The following PTPRN2 variants were observed in gnomAD, a reference collection of about 807,000 sequenced individuals.
The protein encoded by PTPRN2 is receptor-type tyrosine-protein phosphatase N2.
Under a neutral mutation model 118.8 loss-of-function variants are expected in PTPRN2, and 74 were observed. That is an observed-to-expected ratio of 0.62 (90% confidence interval 0.52 to 0.76). The LOEUF (loss-of-function observed/expected upper bound fraction) is 0.76. PTPRN2 is among the 30% of genes least tolerant of loss of function. The pLI, the probability that PTPRN2 is intolerant of heterozygous loss-of-function variation, is 0.00. For missense variants in PTPRN2, 1,481 were observed against 1,394.4 expected (o/e 1.06, Z -0.99); for synonymous variants, 641 against 608.0 (o/e 1.05, Z -0.80).
In PTPRN2 at chr7:157,794,119, C is replaced by A. The variant is rs1585485396; in HGVS notation, c.1788+104554G>T. Among the ~76,000 whole-genome samples the A allele has an allele frequency of 6.6e-6, 1 of 150,724 alleles. No individual in the cohort carries two copies. Among genetic ancestry groups the A allele is most frequent in the Non-Finnish European group, 1.5e-5 (1 of 67,160 alleles). On this transcript the variant is annotated intron_variant, in intron 12 of 22. Transcript: ENST00000389418. This position sits in a 1 kb window ranked among gnomAD's most constrained non-coding sequence, Gnocchi z 5.2. Reference sequence around the variant, plus strand: ...TCTCGCCCCTCATTCTCTGCTCTGACCCGGGCTCGCACCTCCCCTCGTTCT... The same window carrying A: ...TCTCGCCCCTCATTCTCTGCTCTGAACCGGGCTCGCACCTCCCCTCGTTCT...
chr7:158,205,999 A>G (rs1271175373), intron 3 of PTPRN2, among the ~76,000 whole-genome samples: 1 of 152,178 alleles, frequency 6.6e-6, no homozygotes, highest in Non-Finnish European at 1.5e-5. Flanking sequence ...AAGGCTGCCT[A>G]TGATGGAAGG....
At chr7:158,280,910 G>A (rs566232474) in intron 3 of PTPRN2, among the ~76,000 whole-genome samples, 8 of 152,342 alleles carry the variant, frequency 5.3e-5, no homozygotes, top group South Asian at 2.1e-4. Flanking sequence ...CAGGCCCTGC[G>A]CCGGCCCACG....
intron 9 of PTPRN2, among the ~76,000 whole-genome samples, chr7:158,124,646 A>G (rs74526809): frequency 0.027 from 4,083 of 152,298 alleles, 182 homozygotes; most frequent in African/African-American, 0.084. Flanking sequence ...TGGGGAGAAG[A>G]CGTGAACAGG....
chr7:158,181,905 C>G (rs1385379229), intron 5 of PTPRN2, among the ~76,000 whole-genome samples: 2 of 149,728 alleles, frequency 1.3e-5, no homozygotes, highest in African/African-American at 4.9e-5. Flanking sequence ...TTCTTTCCTT[C>G]AAATTGATTT....
chr7:157,892,329 C>G (rs930482911), intron 12 of PTPRN2, among the ~76,000 whole-genome samples: 10 of 152,210 alleles, frequency 6.6e-5, no homozygotes, highest in African/African-American at 2.4e-4. Context: ...TGGTGATTAT[C>G]ACTTTCCTTT....
rs1349358606 is a variant in PTPRN2, at chr7:158,574,369, A to AT, written c.112+13188dup. ...TCTCATTCTCTTAAATTTGTTTTGA[A>AT]TTTTTTATTATAAACATACAATGAG... On this transcript the variant is annotated intron_variant, in intron 1 of 22. Transcript: ENST00000389418. This position sits in a 1 kb window ranked among gnomAD's most constrained non-coding sequence, Gnocchi z 4.6. 6.6e-6 allele frequency among the ~76,000 whole-genome samples: 1 copy of AT among 152,178 alleles called. No individual in the cohort carries two copies. The highest frequency in any genetic ancestry group is 2.4e-5 in the African/African-American group (1 of 41,448).
At chr7:157,809,406 G>T (rs368707472) in intron 12 of PTPRN2, among the ~76,000 whole-genome samples, 1 of 152,268 alleles carries the variant, frequency 6.6e-6, no homozygotes, top group South Asian at 2.1e-4. Flanking sequence ...AAGGAGCCCC[G>T]CGCCACCCCC....
In PTPRN2 at chr7:158,003,141, G is replaced by A. The variant is rs1364714612; in HGVS notation, c.1723+78157C>T. Among the ~76,000 whole-genome samples the A allele has an allele frequency of 5.3e-5, 8 of 152,178 alleles. No individual in the cohort carries two copies. The highest frequency in any genetic ancestry group is 2.1e-4 in the South Asian group (1 of 4,830). On this transcript the variant is annotated intron_variant, in intron 11 of 22. Coordinates refer to ENST00000389418, the MANE Select transcript of PTPRN2 (RefSeq NM_002847.5). The surrounding 1 kb of genome is among the most constrained non-coding windows in gnomAD (Gnocchi z 5.0). Reference sequence around the variant, plus strand: ...TAAAGAGGTAAAGGTAAGGCCGGGCGCGGTGGCTCACGCCTGTAATCCCAG... The same window carrying A: ...TAAAGAGGTAAAGGTAAGGCCGGGCACGGTGGCTCACGCCTGTAATCCCAG...
At chr7:157,976,917 A>G (rs1802797856) in intron 11 of PTPRN2, among the ~76,000 whole-genome samples, 1 of 152,036 alleles carries the variant, frequency 6.6e-6, no homozygotes, top group Non-Finnish European at 1.5e-5. Flanking sequence ...AAAGCCAGGC[A>G]TAGTGGAAGA....
chr7:157,630,407 C>A (rs1803866131), intron 14 of PTPRN2, among the ~76,000 whole-genome samples: 1 of 152,188 alleles, frequency 6.6e-6, no homozygotes, highest in Non-Finnish European at 1.5e-5. Context: ...CCCATACGAC[C>A]ATATTCAACT....
intron 3 of PTPRN2, among the ~76,000 whole-genome samples, chr7:158,264,510 G>A (rs1299306792): frequency 6.6e-6 from 1 of 152,146 alleles, no homozygotes; most frequent in Non-Finnish European, 1.5e-5. Context: ...AGATCGCCAT[G>A]GGCCACACGT....
chr7:157,899,567 C>T (rs1013430425), intron 11 of PTPRN2, among the ~76,000 whole-genome samples: 4 of 152,114 alleles, frequency 2.6e-5, no homozygotes, highest in African/African-American at 9.7e-5. Context: ...ATGAAGAGTG[C>T]CTTGCAATTG....
chr7:157,572,860 A>G (rs1011482859), intron 19 of PTPRN2, among the ~76,000 whole-genome samples: 8 of 152,218 alleles, frequency 5.3e-5, no homozygotes, highest in Admixed American at 3.3e-4. Flanking sequence ...ACAACCAGCA[A>G]CGGCCTCCAG....
intron 12 of PTPRN2, among the ~76,000 whole-genome samples, chr7:157,786,878 C>T: frequency 6.6e-6 from 1 of 152,246 alleles, no homozygotes; most frequent in East Asian, 1.9e-4. Context: ...TCAGTGCCCA[C>T]TGTGGGAAGT....
At chr7:158,162,414 C>T (rs1324743692) in intron 6 of PTPRN2, among the ~76,000 whole-genome samples, 1 of 152,038 alleles carries the variant, frequency 6.6e-6, no homozygotes, top group Non-Finnish European at 1.5e-5. Flanking sequence ...TGTAATAATA[C>T]AATACTATTC....
rs1416497828 is a variant in PTPRN2, at chr7:157,587,361, C to T, written c.2496+7877G>A. ...TGTCAACTGTCATTCTCCTGCACCT[C>T]GGCCTTGTCACCGGTGGCTGGCAGG... is the stretch of plus-strand genomic sequence containing the variant. On this transcript the variant is annotated intron_variant, in intron 17 of 22. Coordinates refer to ENST00000389418, the MANE Select transcript of PTPRN2 (RefSeq NM_002847.5). This position sits in a 1 kb window ranked among gnomAD's most constrained non-coding sequence, Gnocchi z 5.3. Among the ~76,000 whole-genome samples, 2 of 152,202 alleles carry T rather than the reference C, an allele frequency of 1.3e-5. No individual in the cohort carries two copies. The highest frequency in any genetic ancestry group is 2.9e-5 in the Non-Finnish European group (2 of 68,042).
At chr7:158,018,459 G>A (rs1460279736) in intron 11 of PTPRN2, among the ~76,000 whole-genome samples, 1 of 152,210 alleles carries the variant, frequency 6.6e-6, no homozygotes, top group Non-Finnish European at 1.5e-5. Context: ...GCCTGGAAAT[G>A]CTAACTTCTG....
chr7:158,140,929 G>C (rs376094975), intron 6 of PTPRN2, among the ~76,000 whole-genome samples: 10 of 152,304 alleles, frequency 6.6e-5, no homozygotes, highest in African/African-American at 2.4e-4. Context: ...CCTCATAAAG[G>C]TTTATGTAAA....
intron 12 of PTPRN2, among the ~76,000 whole-genome samples, chr7:157,795,932 A>C (rs1804842707): frequency 6.6e-6 from 1 of 152,226 alleles, no homozygotes. Context: ...CCTGGGGCTA[A>C]GGCCACACCT....
Sources: allele counts gnomAD v4.1 joint callset (sites outside exome capture counted in the v4.1 genomes callset), GRCh38; gene constraint gnomAD v4.1.1; non-coding constraint Gnocchi (gnomAD v3.1); transcripts MANE v1.5; gene names NCBI Gene and HGNC (gene_info 2026-07-23, HGNC 2026-07-21).